SNAP47: variants seen among roughly 807,000 people sequenced by gnomAD.
SNAP47 encodes synaptosomal-associated protein 47.
A neutral mutation model predicts 31.4 loss-of-function variants in SNAP47; 20 were observed. The observed-to-expected ratio is 0.64, with a 90% CI of 0.45 to 0.93. The LOEUF (loss-of-function observed/expected upper bound fraction) is 0.93. SNAP47 is among the 40% of genes least tolerant of loss of function. SNAP47 has a pLI of 0.00. For missense variants in SNAP47, 492 were observed against 528.5 expected (o/e 0.93, Z 0.68); for synonymous variants, 194 against 213.4 (o/e 0.91, Z 0.79).
chr1:227,775,090 C>T (rs76234198), intron 4 of SNAP47, among the ~76,000 whole-genome samples: 9,291 of 152,312 alleles, frequency 0.061, 413 homozygotes, highest in Middle Eastern at 0.095. Context: ...CATCTGCCCC[C>T]CCGGCTAGTG....
chr1:227,747,603 G>A (rs1662049690), intron 1 of SNAP47, 89 bp from the exon 2 acceptor site: 2 of 1,377,302 alleles, frequency 1.5e-6, no homozygotes, highest in South Asian at 1.4e-5. Flanking sequence ...TGTGAGCCCA[G>A]AGCCGCAGGG....
intron 1 of SNAP47, among the ~76,000 whole-genome samples, chr1:227,729,054 C>T (rs1660480061): frequency 6.6e-6 from 1 of 152,212 alleles, no homozygotes; most frequent in South Asian, 2.1e-4. Flanking sequence ...CAGGTGGGGT[C>T]TATCTGGGGT....
At chr1:227,734,391 A>G (rs375331569), upstream of SNAP47, 1 of 345,666 alleles carries the variant, frequency 2.9e-6, no homozygotes, top group Non-Finnish European at 5.1e-6. Flanking sequence ...GGGAGTGGAG[A>G]CGCCTTCCTG....
At chr1:227,753,689 A>C (rs1363017516) in intron 2 of SNAP47, among the ~76,000 whole-genome samples, 1 of 152,106 alleles carries the variant, frequency 6.6e-6, no homozygotes, top group African/African-American at 2.4e-5. Context: ...ACCCACAAGC[A>C]GGATTGCAAA....
Position 227,763,305 on chromosome 1 carries a change from C to CA in SNAP47, c.989-3653dup, listed in dbSNP as rs1414086800. 1.3e-5 allele frequency among the ~76,000 whole-genome samples: 2 copies of CA among 152,166 alleles called. No homozygotes were observed. The highest frequency in any genetic ancestry group is 2.9e-5 in the Non-Finnish European group (2 of 68,034). On this transcript the variant is annotated intron_variant, in intron 3 of 4. Coordinates refer to ENST00000617596, the MANE Select transcript of SNAP47 (RefSeq NM_053052.4). The surrounding 1 kb of genome is among the most constrained non-coding windows in gnomAD (Gnocchi z 4.2). ...ATCACTGAGATTTTTCTTTGTCACTCACTGCCTGTCTTGGGGGTAAGGCCT... is the reference window on the plus strand; with the variant it reads ...ATCACTGAGATTTTTCTTTGTCACTCAACTGCCTGTCTTGGGGGTAAGGCCT...
intron 3 of SNAP47, 52 bp from the exon 4 acceptor site, chr1:227,766,907 G>A: frequency 6.2e-7 from 1 of 1,607,316 alleles, no homozygotes; most frequent in Non-Finnish European, 8.5e-7. Flanking sequence ...AGCACACGAG[G>A]GTTGTTGCAA....
At chr1:227,733,317 C>T, upstream of SNAP47, 4 of 1,345,456 alleles carry the variant, frequency 3.0e-6, no homozygotes, top group Non-Finnish European at 4.0e-6. Flanking sequence ...TGAGCCACCC[C>T]ATTCCAGCCC....
At chr1:227,750,888 G>T (rs7526184) in intron 2 of SNAP47, among the ~76,000 whole-genome samples, 103,279 of 152,158 alleles carry the variant, frequency 0.68, 36,651 homozygotes, top group African/African-American at 0.9. Flanking sequence ...GCCAGCGTTG[G>T]GTGCACCCAG....
At chr1:227,776,286 T>A in intron 4 of SNAP47, 1 of 1,008,616 alleles carries the variant, frequency 9.9e-7, no homozygotes, top group Non-Finnish European at 1.2e-6. Context: ...TGGATTGTAC[T>A]GTCCTTCAAG....
intron 1 of SNAP47, among the ~76,000 whole-genome samples, chr1:227,743,657 C>T (rs928778727): frequency 6.6e-6 from 1 of 152,224 alleles, no homozygotes; most frequent in Admixed American, 6.5e-5. Flanking sequence ...CGTTGCTGGT[C>T]TTTGAATGTC....
upstream of SNAP47, chr1:227,733,180 T>C: frequency 1.0e-6 from 1 of 958,418 alleles, no homozygotes; most frequent in Admixed American, 2.7e-5. Context: ...AGCAGGGAAG[T>C]GGGTGGCGGG....
Position 227,776,576 on chromosome 1 carries a change from C to A in SNAP47, c.1114-3951C>A, listed in dbSNP as rs183022968. On this transcript the variant is annotated intron_variant, in intron 4 of 4. Coordinates refer to ENST00000617596, the MANE Select transcript of SNAP47 (RefSeq NM_053052.4). ...CTTGTCACCCCAGGCCGCAGAGGAA[C>A]AACTGTTTCTAGGGTTTGGCCAGAC... 1.0e-5 allele frequency: 10 copies of A among 985,514 alleles called. No individual in the cohort carries two copies. The East Asian group carries it at 9.1e-4, about 89-fold the overall frequency. 61.0% of individuals were successfully genotyped at this position (985,514 alleles called of 1,614,324 possible). A position where few individuals can be genotyped will look rare whatever the true frequency, so the allele number is the denominator to read the frequency against.
chr1:227,759,908 T>C (rs1436354792), intron 3 of SNAP47, among the ~76,000 whole-genome samples: 2 of 152,228 alleles, frequency 1.3e-5, no homozygotes, highest in African/African-American at 2.4e-5. Flanking sequence ...GGATGAATTC[T>C]GGGAATGCAT....
chr1:227,748,727 G>C (rs566025763), intron 2 of SNAP47, among the ~76,000 whole-genome samples: 4 of 152,338 alleles, frequency 2.6e-5, no homozygotes, highest in African/African-American at 9.6e-5. Context: ...ATGGGCCCTG[G>C]CCTCTGAGGT....
At chr1:227,750,423 A>G (rs1662272553) in intron 2 of SNAP47, among the ~76,000 whole-genome samples, 1 of 152,240 alleles carries the variant, frequency 6.6e-6, no homozygotes, top group South Asian at 2.1e-4. Flanking sequence ...TCATGGACAC[A>G]CACCATCACA....
At chr1:227,731,933 G>T, upstream of SNAP47, 1 of 178,476 alleles carries the variant, frequency 5.6e-6, no homozygotes, top group Non-Finnish European at 1.2e-5. Flanking sequence ...GCCAACCCCA[G>T]CCCTGCCTGG....
intron 3 of SNAP47, among the ~76,000 whole-genome samples, chr1:227,760,969 A>G (rs1329563877): frequency 6.6e-6 from 1 of 152,238 alleles, no homozygotes; most frequent in African/African-American, 2.4e-5. Context: ...TGAATGTCAT[A>G]AAAGACTCCA....
In SNAP47 at chr1:227,780,882, A is replaced by G. The variant is rs1469890945; in HGVS notation, c.*209A>G. The G allele has an allele frequency of 1.9e-5, 12 of 640,952 alleles. No individual in the cohort carries two copies. The highest frequency in any genetic ancestry group is 5.3e-6 in the Non-Finnish European group (2 of 378,380). 39.7% of individuals were successfully genotyped at this position (640,952 alleles called of 1,614,324 possible). A position where few individuals can be genotyped will look rare whatever the true frequency, so the allele number is the denominator to read the frequency against. The stretch of plus-strand genomic sequence containing the variant: ...CACTTGGCTGTCCCTGCTGCTGGGC[A>G]GGACCCGGCCACATGTTCTGCGGAT... On this transcript the variant is annotated 3_prime_UTR_variant, in exon 5 of 5. Coordinates refer to ENST00000617596, the MANE Select transcript of SNAP47 (RefSeq NM_053052.4).
At chr1:227,728,293 G>A (rs1339223151), upstream of SNAP47, among the ~76,000 whole-genome samples, 2 of 152,202 alleles carry the variant, frequency 1.3e-5, no homozygotes, top group African/African-American at 4.8e-5. Flanking sequence ...GGGTAGGGAA[G>A]GGTTGTTACT....
Sources: gnomAD v4.1 joint callset for allele counts (sites outside exome capture counted in the v4.1 genomes callset) on GRCh38, gnomAD v4.1.1 for gene constraint, Gnocchi (gnomAD v3.1) non-coding constraint, MANE v1.5 for transcripts, NCBI Gene and HGNC (gene_info 2026-07-23, HGNC 2026-07-21) for gene names.